Variants in CTNND2 observed in about 807,000 individuals in gnomAD.
CTNND2 encodes the protein catenin delta 2.
Under a neutral mutation model 144.4 loss-of-function variants are expected in CTNND2, and 22 were observed. The ratio of observed to expected loss-of-function variants is 0.15; its 90% CI spans 0.11 to 0.22. The LOEUF is 0.22. CTNND2 is among the 10% of genes least tolerant of loss of function. CTNND2 has a pLI of 1.00. For missense variants in CTNND2, 1,353 were observed against 1,618.8 expected (o/e 0.84, Z 2.82); for synonymous variants, 751 against 695.6 (o/e 1.08, Z -1.25).
At chr5:11,597,993 T>G (rs41332644) in intron 2 of CTNND2, among the ~76,000 whole-genome samples, 7,193 of 152,302 alleles carry the variant, frequency 0.047, 288 homozygotes, top group East Asian at 0.14. Flanking sequence ...CTTTTCCATA[T>G]TCTCATGTGA....
At chr5:10,999,389 T>C (rs192653111) in intron 18 of CTNND2, among the ~76,000 whole-genome samples, 1 of 152,358 alleles carries the variant, frequency 6.6e-6, no homozygotes, top group East Asian at 1.9e-4. Flanking sequence ...CAGAGACTTC[T>C]TTTGTGAATT....
chr5:11,066,231 G>A (rs1037691974), intron 16 of CTNND2, among the ~76,000 whole-genome samples: 1 of 152,054 alleles, frequency 6.6e-6, no homozygotes, highest in African/African-American at 2.4e-5. Flanking sequence ...GTAGAGATGG[G>A]GTTCCACCAT....
At chr5:11,780,528 G>A (rs918320868) in intron 1 of CTNND2, among the ~76,000 whole-genome samples, 1 of 152,122 alleles carries the variant, frequency 6.6e-6, no homozygotes, top group African/African-American at 2.4e-5. Flanking sequence ...GGCTATGGGG[G>A]ACATGTTGAA....
chr5:11,866,305 A>C (rs1358096667), intron 1 of CTNND2, among the ~76,000 whole-genome samples: 1 of 152,206 alleles, frequency 6.6e-6, no homozygotes, highest in African/African-American at 2.4e-5. Flanking sequence ...GTTGTCTCTA[A>C]AAAAACCTTT....
At chr5:11,680,075 G>A (rs191696985) in intron 2 of CTNND2, among the ~76,000 whole-genome samples, 4 of 152,300 alleles carry the variant, frequency 2.6e-5, no homozygotes, top group Non-Finnish European at 4.4e-5. Context: ...ACTAGGGGAC[G>A]TGGGTGGCAG....
At chr5:11,836,607 A>C (rs935003783) in intron 1 of CTNND2, among the ~76,000 whole-genome samples, 2 of 152,196 alleles carry the variant, frequency 1.3e-5, no homozygotes, top group African/African-American at 4.8e-5. Flanking sequence ...AGTACCCATA[A>C]AGAAATTCTC....
chr5:11,466,740 G>A lies in CTNND2; in HGVS notation c.288-54671C>T, dbSNP rs553524013. ...ATTTCCAAGGCCCACATTAGTGGGG[G>A]TTCTGTAGGACCATCAGTGGGAAAG... is the stretch of plus-strand genomic sequence containing the variant. On this transcript the variant is annotated intron_variant, in intron 3 of 21. Coordinates refer to ENST00000304623, the MANE Select transcript of CTNND2 (RefSeq NM_001332.4). Among the ~76,000 whole-genome samples, 3 of 152,282 alleles carry A rather than the reference G, an allele frequency of 2.0e-5. No individual in the cohort carries two copies. In the East Asian group the frequency reaches 5.8e-4, roughly 29 times the overall value.
chr5:11,055,002 G>A (rs1199067573), intron 16 of CTNND2, among the ~76,000 whole-genome samples: 2 of 152,206 alleles, frequency 1.3e-5, no homozygotes, highest in Non-Finnish European at 2.9e-5. Flanking sequence ...GTCCCTGGCT[G>A]AAGCTGAGCA....
At chr5:11,430,141 C>G (rs1307756861) in intron 3 of CTNND2, among the ~76,000 whole-genome samples, 1 of 149,340 alleles carries the variant, frequency 6.7e-6, no homozygotes, top group East Asian at 2.0e-4. Context: ...TCCCAGACAC[C>G]TGGGAGGCTG....
chr5:11,487,733 T>C (rs1768962709), intron 3 of CTNND2, among the ~76,000 whole-genome samples: 1 of 152,228 alleles, frequency 6.6e-6, no homozygotes, highest in Non-Finnish European at 1.5e-5. Flanking sequence ...GTTATTTTTA[T>C]CTTTTGTGTC....
chr5:11,894,405 A>T (rs1180952706), intron 1 of CTNND2, among the ~76,000 whole-genome samples: 1 of 152,218 alleles, frequency 6.6e-6, no homozygotes, highest in African/African-American at 2.4e-5. Context: ...CGGATGGATA[A>T]AGGAGAATTC....
chr5:11,570,424 T>C (rs898925395), intron 2 of CTNND2, among the ~76,000 whole-genome samples: 1 of 152,184 alleles, frequency 6.6e-6, no homozygotes, highest in Admixed American at 6.5e-5. Context: ...AGAGAATGAA[T>C]GAGAGGTATT....
chr5:11,032,305 A>G (rs1455846521), intron 16 of CTNND2, among the ~76,000 whole-genome samples: 2 of 152,200 alleles, frequency 1.3e-5, no homozygotes, highest in African/African-American at 4.8e-5. Flanking sequence ...TTTTGTATAT[A>G]AAAGGTTGTT....
At chr5:11,059,341 C>T (rs2149592547) in intron 16 of CTNND2, among the ~76,000 whole-genome samples, 1 of 152,258 alleles carries the variant, frequency 6.6e-6, no homozygotes, top group Middle Eastern at 3.4e-3. Flanking sequence ...GTGAATAAGT[C>T]TCATGAGATC....
At chr5:11,630,438 A>T (rs778855199) in intron 2 of CTNND2, among the ~76,000 whole-genome samples, 1 of 152,156 alleles carries the variant, frequency 6.6e-6, no homozygotes, top group African/African-American at 2.4e-5. Context: ...TATTTCCCCA[A>T]TTCTTGACAG....
intron 9 of CTNND2, among the ~76,000 whole-genome samples, chr5:11,252,503 C>T (rs1217119236): frequency 1.3e-5 from 2 of 152,172 alleles, no homozygotes; most frequent in African/African-American, 4.8e-5. Context: ...AAGTAGAAGT[C>T]AACATAATGT....
chr5:11,670,757 G>C (rs1222607439), intron 2 of CTNND2, among the ~76,000 whole-genome samples: 1 of 152,018 alleles, frequency 6.6e-6, no homozygotes, highest in Admixed American at 6.6e-5. Flanking sequence ...TTAAATTGGG[G>C]GCATTTATCT....
chr5:11,018,120 AT>A, intron 17 of CTNND2, 62 bp from the exon 18 acceptor site: 1 of 1,127,544 alleles, frequency 8.9e-7, no homozygotes, highest in Non-Finnish European at 1.4e-6. Context: ...CATTTCTGTA[AT>A]TCTTGTAGTA....
intron 16 of CTNND2, among the ~76,000 whole-genome samples, chr5:11,033,548 T>C (rs1303170909): frequency 6.6e-6 from 1 of 152,120 alleles, no homozygotes; most frequent in Non-Finnish European, 1.5e-5. Context: ...AATAAAAATC[T>C]GGCCAGGCTT....
Sources: allele counts gnomAD v4.1 joint callset (sites outside exome capture counted in the v4.1 genomes callset), GRCh38; gene constraint gnomAD v4.1.1; transcripts MANE v1.5; gene names NCBI Gene and HGNC (gene_info 2026-07-23, HGNC 2026-07-21).